RNF6: variants seen among roughly 807,000 people sequenced by gnomAD.
The protein encoded by RNF6 is E3 ubiquitin-protein ligase RNF6.
Under a neutral mutation model 50.1 loss-of-function variants are expected in RNF6, and 21 were observed. The observed-to-expected ratio is 0.42, with a 90% confidence interval of 0.30 to 0.60. The LOEUF (loss-of-function observed/expected upper bound fraction) is 0.60. Ranked by LOEUF, RNF6 falls within the 20% of genes least tolerant of loss-of-function variation. The pLI is 0.20. For missense variants in RNF6, 698 were observed against 838.2 expected, an observed-to-expected ratio of 0.83 and a Z score of 2.07; for synonymous variants, 255 against 291.8, an observed-to-expected ratio of 0.87 and a Z score of 1.29.
chr13:26,145,087 A>G (rs1333419324), intron 5 of RNF6, among the ~76,000 whole-genome samples: 2 of 152,190 alleles, frequency 1.3e-5, no homozygotes, highest in Non-Finnish European at 2.9e-5. Flanking sequence ...CTTGCTGGTT[A>G]AAAGTGAACT....
At position 26,214,105 on chromosome 13, in the gene RNF6, A is replaced by G; in HGVS notation, c.1777T>C (p.Leu593=). Residue 593 remains leucine, a synonymous_variant, in exon 5 of 5, where the codon TTA becomes CTA. Coordinates refer to ENST00000381588, the MANE Select transcript of RNF6 (RefSeq NM_005977.4). The part of the protein sequence containing the change: ...LPILRLAHFF[L]LNESDDDDRI... ...TCATCATCATCACTTTCATTTAGTA[A>G]AAAAAAGTGAGCAAGGCGAAGAATG... 6.2e-7 allele frequency: 1 copy of G among 1,614,138 alleles called. No individual in the cohort carries two copies. The highest frequency in any genetic ancestry group is 8.5e-7 in the Non-Finnish European group (1 of 1,180,026).
intron 5 of RNF6, among the ~76,000 whole-genome samples, chr13:26,148,632 T>TTATATATATATATATATATATATATA (rs57373126): frequency 2.1e-5 from 1 of 47,068 alleles, no homozygotes; most frequent in Non-Finnish European, 3.7e-5. Flanking sequence ...ATAAATCTCT[T>TTATATATATATATATATATATATATA]TATATATATA....
chr13:26,162,411 T>G (rs1487710824), intron 5 of RNF6, among the ~76,000 whole-genome samples: 2 of 152,242 alleles, frequency 1.3e-5, no homozygotes, highest in Non-Finnish European at 2.9e-5. Context: ...AACCTGGTAC[T>G]TCCCCTGTGA....
chr13:26,196,533 T>A (rs1868672062), intron 5 of RNF6, among the ~76,000 whole-genome samples: 1 of 149,818 alleles, frequency 6.7e-6, no homozygotes, highest in Admixed American at 6.6e-5. Context: ...CTTGGGAGGC[T>A]GAAGCAGGAG....
intron 5 of RNF6, among the ~76,000 whole-genome samples, chr13:26,205,001 G>A (rs1202056859): frequency 1.3e-5 from 2 of 152,124 alleles, no homozygotes; most frequent in Non-Finnish European, 2.9e-5. Flanking sequence ...TGAAGCCTGG[G>A]CCCTCCAAAG....
chr13:26,162,663 G>A (rs900561442), intron 5 of RNF6, among the ~76,000 whole-genome samples: 1 of 152,162 alleles, frequency 6.6e-6, no homozygotes, highest in African/African-American at 2.4e-5. Context: ...AAGCCCACAA[G>A]TCCCAACTAT....
intron 5 of RNF6, among the ~76,000 whole-genome samples, chr13:26,190,326 A>G (rs1242627494): frequency 6.6e-6 from 1 of 152,196 alleles, no homozygotes. Flanking sequence ...ATCTTTTTCC[A>G]TATAAGGCAA....
intron 5 of RNF6, among the ~76,000 whole-genome samples, chr13:26,166,899 G>A (rs577249796): frequency 2.0e-5 from 3 of 152,272 alleles, no homozygotes; most frequent in South Asian, 2.1e-4. Flanking sequence ...CAGCCTGGGC[G>A]ACAGAGTGAG....
intron 5 of RNF6, among the ~76,000 whole-genome samples, chr13:26,173,034 A>G (rs946822663): frequency 1.3e-5 from 2 of 152,228 alleles, no homozygotes; most frequent in African/African-American, 4.8e-5. Flanking sequence ...ATATGAGAAC[A>G]TGCACAAACT....
intron 5 of RNF6, among the ~76,000 whole-genome samples, chr13:26,182,230 G>T (rs1481990436): frequency 6.6e-6 from 1 of 152,128 alleles, no homozygotes; most frequent in African/African-American, 2.4e-5. Context: ...ATTGAAATGT[G>T]GTGTTTCACG....
intron 5 of RNF6, among the ~76,000 whole-genome samples, chr13:26,173,597 A>T (rs1872805722): frequency 6.6e-6 from 1 of 152,186 alleles, no homozygotes; most frequent in Admixed American, 6.5e-5. Flanking sequence ...CAACACATTC[A>T]TATTAGTACT....
chr13:26,157,799 G>C lies in RNF6; in HGVS notation n.769-25348C>G, dbSNP rs375171431. 5.9e-5 allele frequency among the ~76,000 whole-genome samples: 9 copies of C among 152,260 alleles called. No individual in the cohort carries two copies. In the East Asian group the frequency reaches 1.5e-3, roughly 26 times the overall value. ...ACACTTGTATAAAAGTATAAACAGA[G>C]TGTGTCCTTTGGTCTAGAAACTTTA... is the stretch of plus-strand genomic sequence containing the variant. On this transcript the variant is annotated intron_variant and non_coding_transcript_variant, in intron 5 of 5. Coordinates refer to the RNF6 transcript ENST00000468480.
At chr13:26,201,615 G>C (rs1868901081) in intron 5 of RNF6, among the ~76,000 whole-genome samples, 2 of 152,132 alleles carry the variant, frequency 1.3e-5, no homozygotes, top group African/African-American at 4.8e-5. Context: ...TCTACATTAG[G>C]ACACTATCTA....
intron 5 of RNF6, among the ~76,000 whole-genome samples, chr13:26,138,888 T>C (rs1471925026): frequency 1.3e-5 from 2 of 152,208 alleles, no homozygotes; most frequent in Non-Finnish European, 2.9e-5. Context: ...TTGTGCTTTT[T>C]AAACCACCGT....
chr13:26,217,504 G>A (rs143814987), intron 4 of RNF6, among the ~76,000 whole-genome samples: 1 of 152,352 alleles, frequency 6.6e-6, no homozygotes, highest in Non-Finnish European at 1.5e-5. Context: ...GGGAGAGTAA[G>A]CGATACATCC....
chr13:26,145,778 A>AGGATTGCT (rs1254869614), intron 5 of RNF6, among the ~76,000 whole-genome samples: 2 of 152,196 alleles, frequency 1.3e-5, no homozygotes, highest in African/African-American at 2.4e-5. Context: ...GCAGGATTGC[A>AGGATTGCT]GGATTGCTTT....
At chr13:26,163,790 A>G (rs1273456993) in intron 5 of RNF6, among the ~76,000 whole-genome samples, 1 of 152,246 alleles carries the variant, frequency 6.6e-6, no homozygotes, top group African/African-American at 2.4e-5. Context: ...CTGGGTACTA[A>G]CATGGAAAGA....
At chr13:26,198,050 T>TAC (rs1868740547) in intron 5 of RNF6, among the ~76,000 whole-genome samples, 1 of 150,984 alleles carries the variant, frequency 6.6e-6, no homozygotes, top group African/African-American at 2.4e-5. Flanking sequence ...GATGTGTATA[T>TAC]ATACATACAT....
Position 26,213,785 on chromosome 13 carries a change from G to C in RNF6, c.*39C>G, listed in dbSNP as rs761872332. 6.7e-7 allele frequency: 1 copy of C among 1,491,708 alleles called. No individual in the cohort carries two copies. Among genetic ancestry groups the C allele is most frequent in the South Asian group, 1.3e-5 (1 of 75,982 alleles). The allele number at this position is 1,491,708 out of a possible 1,614,324, so 92.4% of individuals were successfully genotyped here. On this transcript the variant is annotated 3_prime_UTR_variant, in exon 5 of 5. Transcript: ENST00000381588. ...CAGCAAAACAATGCTTGAACATTCAGTTCTACTAAAAAACAGTATTTGAGT... is the reference window on the plus strand; with the variant it reads ...CAGCAAAACAATGCTTGAACATTCACTTCTACTAAAAAACAGTATTTGAGT...
Sources: allele counts gnomAD v4.1 joint callset (sites outside exome capture counted in the v4.1 genomes callset), GRCh38; gene constraint gnomAD v4.1.1; transcripts MANE v1.5; gene names NCBI Gene and HGNC (gene_info 2026-07-23, HGNC 2026-07-21).